ARMH3: variants seen among roughly 807,000 people sequenced by gnomAD.
ARMH3 encodes armadillo-like helical domain-containing protein 3.
A neutral mutation model predicts 99.1 loss-of-function variants in ARMH3; 60 were observed. The ratio of observed to expected loss-of-function variants is 0.61; its 90% confidence interval spans 0.49 to 0.75. The LOEUF is 0.75. ARMH3 is among the 30% of genes least tolerant of loss of function. The pLI is 0.00. For missense variants in ARMH3, 679 were observed against 843.1 expected (o/e 0.81, Z 2.41); for synonymous variants, 285 against 292.8 (o/e 0.97, Z 0.27).
intron 15 of ARMH3, among the ~76,000 whole-genome samples, chr10:101,997,155 C>T (rs1203727670): frequency 6.6e-6 from 1 of 151,854 alleles, no homozygotes; most frequent in East Asian, 1.9e-4. Flanking sequence ...ATCCCAGCTA[C>T]TCAGGAGGCT....
rs369536887 is a variant in ARMH3 at position 101,858,124 on chromosome 10, A to T, written c.1861-8232T>A. Among the ~76,000 whole-genome samples the T allele has an allele frequency of 4.6e-5, 7 of 152,374 alleles. No individual in the cohort carries two copies. In the East Asian group the frequency reaches 5.8e-4, roughly 13 times the overall value. The stretch of plus-strand genomic sequence containing the variant: ...AAACCCATATTCTTCCAAATTCAAG[A>T]TTAGTTAAAGCTAAACAAGAAGCAC... On this transcript the variant is annotated intron_variant, in intron 24 of 25. Coordinates refer to ENST00000370033, the MANE Select transcript of ARMH3 (RefSeq NM_024541.3).
intron 24 of ARMH3, among the ~76,000 whole-genome samples, chr10:101,876,175 G>A (rs369820861): frequency 7.3e-6 from 1 of 136,872 alleles, no homozygotes; most frequent in East Asian, 2.3e-4. Flanking sequence ...CTTGAACCCG[G>A]AAGGCGGAGA....
chr10:101,961,946 T>C (rs1335528504), intron 20 of ARMH3, among the ~76,000 whole-genome samples: 2 of 152,254 alleles, frequency 1.3e-5, no homozygotes, highest in African/African-American at 2.4e-5. Context: ...TACCATTTAA[T>C]TTAATCCTTT....
chr10:101,925,809 G>T (rs546570664), intron 23 of ARMH3, among the ~76,000 whole-genome samples: 1 of 152,158 alleles, frequency 6.6e-6, no homozygotes, highest in Non-Finnish European at 1.5e-5. Context: ...ACCCAGGGAG[G>T]CTGAGGCAGG....
chr10:101,950,780 T>C (rs1394859878), intron 22 of ARMH3, among the ~76,000 whole-genome samples: 1 of 152,216 alleles, frequency 6.6e-6, no homozygotes, highest in African/African-American at 2.4e-5. Flanking sequence ...AGATTAGTGA[T>C]TGCCTAGAGC....
At chr10:101,923,447 G>C (rs1463094892) in intron 23 of ARMH3, among the ~76,000 whole-genome samples, 1 of 152,156 alleles carries the variant, frequency 6.6e-6, no homozygotes. Flanking sequence ...AGAATGCAGA[G>C]AAATGCACAC....
At chr10:101,960,889 C>CAAAAAA (rs36000408) in intron 20 of ARMH3, among the ~76,000 whole-genome samples, 1 of 74,580 alleles carries the variant, frequency 1.3e-5, no homozygotes, top group Non-Finnish European at 2.5e-5. Context: ...AACTCCGTCT[C>CAAAAAA]AAAAAAAAAA....
chr10:102,004,979 C>T (rs1008653088), intron 14 of ARMH3, among the ~76,000 whole-genome samples: 3 of 151,878 alleles, frequency 2.0e-5, no homozygotes, highest in South Asian at 2.1e-4. Context: ...CCGAGGCAGG[C>T]GGATCACGAG....
At chr10:101,978,069 C>T (rs1455132286) in intron 19 of ARMH3, among the ~76,000 whole-genome samples, 5 of 152,196 alleles carry the variant, frequency 3.3e-5, no homozygotes, top group African/African-American at 1.2e-4. Context: ...GGAAAGTCAA[C>T]ATTTTTCTAT....
intron 1 of ARMH3, among the ~76,000 whole-genome samples, chr10:102,045,462 C>G (rs942916081): frequency 6.6e-5 from 10 of 152,124 alleles, no homozygotes; most frequent in African/African-American, 2.4e-4. Context: ...TCTGGAATAA[C>G]AGGAAGAAAC....
intron 24 of ARMH3, among the ~76,000 whole-genome samples, chr10:101,871,490 C>T (rs371992899): frequency 2.0e-5 from 3 of 152,222 alleles, no homozygotes; most frequent in African/African-American, 4.8e-5. Context: ...ACAGAACTGA[C>T]GGTCCAGAAA....
At chr10:101,997,084 G>T (rs1590156614) in intron 15 of ARMH3, among the ~76,000 whole-genome samples, 1 of 152,200 alleles carries the variant, frequency 6.6e-6, no homozygotes, top group East Asian at 1.9e-4. Context: ...GGCCAACATG[G>T]TGAAACCCCT....
In ARMH3 at chr10:102,040,089, C is replaced by A; in HGVS notation, c.26G>T (p.Gly9Val). Residue 9 changes from glycine (G) to valine (V), a missense_variant, in exon 2 of 26, where the codon GGT becomes GTT. By Grantham distance (109) the Gly-to-Val change is moderately radical (BLOSUM62 -3). This residue lies in a region of ARMH3 where 280 missense variants were observed against 354.6 expected (regional missense o/e 0.79). Coordinates refer to ENST00000370033, the MANE Select transcript of ARMH3 (RefSeq NM_024541.3). The part of the protein sequence containing the change: MAQVEKRG[G>V]LLRKSSASKK... ...GGAGGCTGAAGATTTCCGGAGCAAA[C>A]CTCCACGTTTCTCTACCTGTGCCAT... 1.2e-6 allele frequency: 2 copies of A among 1,614,192 alleles called. No individual in the cohort carries two copies. Among genetic ancestry groups the A allele is most frequent in the Non-Finnish European group, 1.7e-6 (2 of 1,180,022 alleles).
chr10:102,015,986 C>T (rs2066741726), intron 8 of ARMH3, among the ~76,000 whole-genome samples: 1 of 152,000 alleles, frequency 6.6e-6, no homozygotes, highest in Non-Finnish European at 1.5e-5. Context: ...ATTTAAAAAG[C>T]TAGCCAGGCA....
intron 24 of ARMH3, among the ~76,000 whole-genome samples, chr10:101,876,598 G>A (rs926355896): frequency 2.6e-5 from 4 of 152,114 alleles, no homozygotes; most frequent in Admixed American, 2.6e-4. Flanking sequence ...TATGGTACTT[G>A]GGAAAAACAT....
intron 19 of ARMH3, among the ~76,000 whole-genome samples, chr10:101,981,952 G>A (rs1358584110): frequency 2.7e-5 from 4 of 150,010 alleles, no homozygotes; most frequent in Non-Finnish European, 5.9e-5. Flanking sequence ...TTGCAGTGAG[G>A]TGGAGCTTGC....
At chr10:102,038,927 A>C (rs755894795) in intron 2 of ARMH3, among the ~76,000 whole-genome samples, 5 of 151,832 alleles carry the variant, frequency 3.3e-5, no homozygotes, top group Admixed American at 6.6e-5. Flanking sequence ...TTTTTTGTAG[A>C]GATGAGGTTT....
intron 16 of ARMH3, among the ~76,000 whole-genome samples, chr10:101,993,911 G>A (rs967613840): frequency 5.3e-5 from 8 of 152,140 alleles, no homozygotes; most frequent in Admixed American, 3.9e-4. Context: ...TCCCTCTTCC[G>A]TCCCATCTGC....
chr10:101,887,219 C>T (rs2067569649), intron 24 of ARMH3, among the ~76,000 whole-genome samples: 2 of 152,142 alleles, frequency 1.3e-5, no homozygotes, highest in South Asian at 4.2e-4. Context: ...TTGAGGGTGG[C>T]TCTCAAGAAG....
Sources: allele counts gnomAD v4.1 joint callset (sites outside exome capture counted in the v4.1 genomes callset), GRCh38; gene constraint gnomAD v4.1.1; regional missense constraint gnomAD v4.1.1; transcripts MANE v1.5; gene names NCBI Gene and HGNC (gene_info 2026-07-23, HGNC 2026-07-21).